The following RSU1 variants were observed in gnomAD, a reference collection of about 807,000 sequenced individuals.
RSU1 encodes Ras suppressor protein 1, also known as rsu-1.
RSU1 carries 26 observed loss-of-function variants against 31.1 expected under a neutral mutation model. The observed-to-expected ratio is 0.84, with a 90% CI of 0.61 to 1.16. RSU1 has a LOEUF of 1.16. Among genes scored for constraint, RSU1 ranks in the 50% most tolerant of loss-of-function variants. The pLI, the probability that RSU1 is intolerant of heterozygous loss-of-function variation, is 0.00. For missense variants in RSU1, 320 were observed against 339.1 expected (o/e 0.94, Z 0.44); for synonymous variants, 164 against 136.3 (o/e 1.20, Z -1.41).
intron 7 of RSU1, among the ~76,000 whole-genome samples, chr10:16,708,003 A>G (rs1218580084): frequency 2.6e-5 from 4 of 152,132 alleles, no homozygotes; most frequent in Admixed American, 2.6e-4. Context: ...TCTTGCCACC[A>G]TTATGAAAAA....
chr10:16,813,004 G>A (rs940870276), intron 2 of RSU1, among the ~76,000 whole-genome samples: 7 of 148,142 alleles, frequency 4.7e-5, no homozygotes, highest in Non-Finnish European at 1.0e-4. Flanking sequence ...TTTTTTAAGA[G>A]ACAAGGTCTT....
At chr10:16,745,112 C>T (rs1172300304) in intron 7 of RSU1, among the ~76,000 whole-genome samples, 1 of 152,170 alleles carries the variant, frequency 6.6e-6, no homozygotes, top group Non-Finnish European at 1.5e-5. Context: ...TCTGCTTAGA[C>T]TGTTTCAGAA....
intron 8 of RSU1, among the ~76,000 whole-genome samples, chr10:16,670,152 A>G (rs1835079161): frequency 6.6e-6 from 1 of 152,198 alleles, no homozygotes; most frequent in Non-Finnish European, 1.5e-5. Flanking sequence ...TTTACTTCCC[A>G]TTGCTTATGC....
chr10:16,648,759 T>C (rs1834625237), intron 8 of RSU1, among the ~76,000 whole-genome samples: 1 of 149,210 alleles, frequency 6.7e-6, no homozygotes, highest in Admixed American at 6.8e-5. Context: ...CAGTTTATTG[T>C]TGAAAACCAA....
chr10:16,775,559 T>A (rs1346324857), intron 3 of RSU1, among the ~76,000 whole-genome samples: 1 of 152,106 alleles, frequency 6.6e-6, no homozygotes, highest in East Asian at 1.9e-4. Context: ...GAGGACAGAT[T>A]AGATGCCACC....
intron 2 of RSU1, among the ~76,000 whole-genome samples, chr10:16,808,060 C>T (rs1174822328): frequency 6.6e-6 from 1 of 151,204 alleles, no homozygotes; most frequent in Non-Finnish European, 1.5e-5. Flanking sequence ...AAATGAATGC[C>T]TTACGGTAAG....
chr10:16,774,168 T>TC lies in RSU1; in HGVS notation c.160+7865_160+7866insG, dbSNP rs1837482104. ...CTGTTCAACCCTGGGAGCTACAGGA[T>TC]TGCAAATTCTTATTTAACAAAATGT... On this transcript the variant is annotated intron_variant, in intron 3 of 8. Coordinates refer to ENST00000345264, the MANE Select transcript of RSU1 (RefSeq NM_012425.4). Among the ~76,000 whole-genome samples the TC allele has an allele frequency of 6.6e-5, 10 of 152,120 alleles. No homozygotes were observed. In the South Asian group the frequency reaches 2.1e-3, roughly 32 times the overall value.
At position 16,764,413 on chromosome 10, in the gene RSU1, C is replaced by T. The variant is rs779441770; in HGVS notation, c.258G>A (p.Gln86=). The T allele has an allele frequency of 1.2e-6, 2 of 1,613,364 alleles. No individual in the cohort carries two copies. The highest frequency in any genetic ancestry group is 2.2e-5 in the East Asian group (1 of 44,874). ...ACCCAAGGTTCAGGTGTTTGAGTTT[C>T]TGAAGGCTACTGATCTGTGTGGGCA... ...EELPTQISSL[Q]KLKHLNLGMN... The change falls in exon 4 of 9, where the codon CAG becomes CAA. Residue 86 remains glutamine (Q), a synonymous_variant. Coordinates refer to ENST00000345264, the MANE Select transcript of RSU1 (RefSeq NM_012425.4).
Position 16,764,500 on chromosome 10 carries a change from C to A in RSU1, c.171G>T (p.Pro57=). Reference sequence around the variant, plus strand: ...CCAAATTCTTCAGTTCTGCGATGTTCGGTGGCACCACTATGGAAACAAAAA... The same window carrying A: ...CCAAATTCTTCAGTTCTGCGATGTTAGGTGGCACCACTATGGAAACAAAAA... ...LSHNKLTMVP[P]NIAELKNLEV... is the part of the protein sequence containing the mutation. The change falls in exon 4 of 9, where the codon CCG becomes CCT. Residue 57 remains proline (P), a synonymous_variant. Transcript: ENST00000345264. The A allele has an allele frequency of 6.2e-7, 1 of 1,613,056 alleles. No individual in the cohort carries two copies. The highest frequency in any genetic ancestry group is 1.1e-5 in the South Asian group (1 of 90,854).
chr10:16,682,020 TGAGA>T (rs1835335878), intron 8 of RSU1, among the ~76,000 whole-genome samples: 2 of 152,120 alleles, frequency 1.3e-5, no homozygotes, highest in Non-Finnish European at 2.9e-5. Context: ...CTTGGCATGC[TGAGA>T]AAGCAAGCCA....
At chr10:16,723,790 G>C (rs1452473441) in intron 7 of RSU1, among the ~76,000 whole-genome samples, 1 of 152,122 alleles carries the variant, frequency 6.6e-6, no homozygotes, top group Admixed American at 6.5e-5. Context: ...TGAGGGGGAA[G>C]AAGGTGACTG....
At chr10:16,727,807 A>C (rs1588497465) in intron 7 of RSU1, among the ~76,000 whole-genome samples, 2 of 152,134 alleles carry the variant, frequency 1.3e-5, no homozygotes, top group Non-Finnish European at 2.9e-5. Context: ...TAGACAACCA[A>C]ATTTCATTGC....
intron 2 of RSU1, among the ~76,000 whole-genome samples, chr10:16,795,236 C>G (rs983010293): frequency 6.6e-6 from 1 of 151,760 alleles, no homozygotes; most frequent in African/African-American, 2.4e-5. Flanking sequence ...TGCCTGTAAT[C>G]CCAGCTACTG....
intron 8 of RSU1, among the ~76,000 whole-genome samples, chr10:16,650,343 CCAA>C (rs1345028164): frequency 1.3e-5 from 2 of 152,162 alleles, no homozygotes; most frequent in East Asian, 1.9e-4. Flanking sequence ...AAGCACACTT[CCAA>C]CAACATTTTT....
At chr10:16,645,923 TATATACACATATGTGTATATATATGTG>T (rs1834543337) in intron 8 of RSU1, among the ~76,000 whole-genome samples, 2 of 21,634 alleles carry the variant, frequency 9.2e-5, no homozygotes, top group African/African-American at 3.1e-4. Flanking sequence ...TATATATGTG[TATATACACATATGTGTATATATATGTG>T]TATATACATA....
At chr10:16,803,384 G>C (rs1160820988) in intron 2 of RSU1, among the ~76,000 whole-genome samples, 1 of 152,102 alleles carries the variant, frequency 6.6e-6, no homozygotes, top group Non-Finnish European at 1.5e-5. Flanking sequence ...AGATACTTCA[G>C]GTTCATGAAC....
intron 8 of RSU1, among the ~76,000 whole-genome samples, chr10:16,675,644 G>T (rs1470467272): frequency 1.3e-5 from 2 of 152,164 alleles, no homozygotes; most frequent in Non-Finnish European, 2.9e-5. Context: ...CATATGGCTT[G>T]GCAAAGGGGG....
At chr10:16,625,592 T>A (rs1834143421) in intron 8 of RSU1, among the ~76,000 whole-genome samples, 1 of 152,200 alleles carries the variant, frequency 6.6e-6, no homozygotes, top group Non-Finnish European at 1.5e-5. Context: ...GAAACAGGCA[T>A]CACTGAGTGA....
At chr10:16,757,542 C>T (rs1052320826) in intron 4 of RSU1, among the ~76,000 whole-genome samples, 11 of 152,208 alleles carry the variant, frequency 7.2e-5, no homozygotes, top group African/African-American at 2.7e-4. Context: ...ATTTGTGAAG[C>T]ACATTATGGC....
Sources: allele counts gnomAD v4.1 joint callset (sites outside exome capture counted in the v4.1 genomes callset), GRCh38; gene constraint gnomAD v4.1.1; transcripts MANE v1.5; gene names NCBI Gene and HGNC (gene_info 2026-07-23, HGNC 2026-07-21).